The following FARP2 variants were observed in gnomAD, a reference collection of about 807,000 sequenced individuals.
FARP2 encodes FERM, ARHGEF and pleckstrin domain-containing protein 2.
Under a neutral mutation model 130.5 loss-of-function variants are expected in FARP2, and 111 were observed. That is an observed-to-expected ratio of 0.85 (90% CI 0.73 to 1.00). FARP2 has a LOEUF of 1.00. Ranked by LOEUF, FARP2 falls within the 50% of genes least tolerant of loss-of-function variation. The pLI is 0.00. For synonymous variants in FARP2, 504 were observed against 516.9 expected, an observed-to-expected ratio of 0.98 and a Z score of 0.34; for missense variants, 1,385 against 1,346.3, an observed-to-expected ratio of 1.03 and a Z score of -0.45.
intron 9 of FARP2, among the ~76,000 whole-genome samples, chr2:241,432,697 AT>A (rs1470835646): frequency 1.3e-5 from 2 of 152,248 alleles, no homozygotes; most frequent in Non-Finnish European, 1.5e-5. Flanking sequence ...AATGGAAAAA[AT>A]AAATGCCTGT....
chr2:241,362,650 G>A (rs1194624219), intron 1 of FARP2, among the ~76,000 whole-genome samples: 4 of 152,004 alleles, frequency 2.6e-5, no homozygotes, highest in East Asian at 1.9e-4. Context: ...TTTGAAAGAA[G>A]AGCAAATACA....
chr2:241,398,232 A>G (rs1345804800), intron 2 of FARP2, among the ~76,000 whole-genome samples: 9 of 152,110 alleles, frequency 5.9e-5, no homozygotes, highest in Non-Finnish European at 1.3e-4. Context: ...GTATACACTT[A>G]TGTATCCCCA....
chr2:241,490,650 A>G (rs2064867269), intron 22 of FARP2, among the ~76,000 whole-genome samples: 1 of 152,208 alleles, frequency 6.6e-6, no homozygotes, highest in African/African-American at 2.4e-5. Context: ...GAGGAGTCTC[A>G]GCTCTGACTC....
At chr2:241,463,147 T>C (rs2064070216) in intron 15 of FARP2, among the ~76,000 whole-genome samples, 188 bp from the exon 16 acceptor site, 1 of 152,248 alleles carries the variant, frequency 6.6e-6, no homozygotes, top group Non-Finnish European at 1.5e-5. Context: ...TGATGTAGGA[T>C]AGTTTCATTA....
rs377499533 is a variant in FARP2 at position 241,494,101 on chromosome 2, G to A, written c.3141G>A (p.Gly1047=). 1.4e-6 allele frequency: 2 copies of A among 1,475,472 alleles called. No homozygotes were observed. The highest frequency in any genetic ancestry group is 1.5e-5 in the African/African-American group (1 of 67,556). 91.4% of individuals were successfully genotyped at this position (1,475,472 alleles called of 1,614,324 possible). ...CCCAACCCTCCTCAGGGCTGGAGGG[G>A]ATGGTCAGGGGGAAGGAGGAATGAC... ...DGPQPSSGLE[G]MVRGKEE is the part of the protein sequence containing the mutation. The change falls in exon 27 of 27, where the codon GGG becomes GGA. Residue 1047 remains glycine (G), a synonymous_variant. Coordinates refer to ENST00000264042, the MANE Select transcript of FARP2 (RefSeq NM_014808.4). The surrounding 1 kb of genome is among the most constrained non-coding windows in gnomAD (Gnocchi z 4.9).
intron 1 of FARP2, among the ~76,000 whole-genome samples, chr2:241,359,775 G>A (rs1308462883): frequency 6.6e-6 from 1 of 152,192 alleles, no homozygotes; most frequent in Non-Finnish European, 1.5e-5. Flanking sequence ...TCACGATGGG[G>A]TTGAGGCCGC....
chr2:241,358,838 G>A (rs949123260), intron 1 of FARP2, among the ~76,000 whole-genome samples: 1 of 152,204 alleles, frequency 6.6e-6, no homozygotes, highest in Non-Finnish European at 1.5e-5. Flanking sequence ...ATATGATAAA[G>A]CCCAGTCTTT....
At chr2:241,381,255 G>A (rs1229276010) in intron 2 of FARP2, among the ~76,000 whole-genome samples, 1 of 151,986 alleles carries the variant, frequency 6.6e-6, no homozygotes, top group Non-Finnish European at 1.5e-5. Context: ...TTTGTCCTGG[G>A]GTGCCACTCC....
intron 11 of FARP2, among the ~76,000 whole-genome samples, chr2:241,435,481 T>C (rs2063202467): frequency 1.3e-5 from 2 of 152,022 alleles, no homozygotes; most frequent in African/African-American, 4.8e-5. Context: ...GGAGTTCAGT[T>C]TCAATGTTTT....
rs1173730850 is a variant in FARP2 at position 241,466,056 on chromosome 2, G to A, written c.1893+2076G>A. The A allele has an allele frequency of 4.1e-6, 5 of 1,206,382 alleles. No homozygotes were observed. The African/African-American group carries it at 4.6e-5, about 11-fold the overall frequency. 74.7% of individuals were successfully genotyped at this position (1,206,382 alleles called of 1,614,324 possible). Reference sequence around the variant, plus strand: ...TTATCATACTGTAGTCATCTTTAATGTTCATTAAAACAAAGGGATTTGATA... The same window carrying A: ...TTATCATACTGTAGTCATCTTTAATATTCATTAAAACAAAGGGATTTGATA... On this transcript the variant is annotated intron_variant, in intron 17 of 26. Transcript: ENST00000264042.
At chr2:241,460,123 G>A (rs1406648060) in intron 14 of FARP2, among the ~76,000 whole-genome samples, 2 of 152,154 alleles carry the variant, frequency 1.3e-5, no homozygotes, top group Admixed American at 1.3e-4. Flanking sequence ...CTCCCCCAGG[G>A]CCCAAGGCCA....
At chr2:241,408,811 A>G (rs773419090) in intron 5 of FARP2, among the ~76,000 whole-genome samples, 1 of 152,198 alleles carries the variant, frequency 6.6e-6, no homozygotes, top group Non-Finnish European at 1.5e-5. Flanking sequence ...AGGTTTCTGC[A>G]TATCATTTTA....
chr2:241,380,156 C>T (rs887808003), intron 2 of FARP2, among the ~76,000 whole-genome samples: 1 of 152,188 alleles, frequency 6.6e-6, no homozygotes, highest in Non-Finnish European at 1.5e-5. Flanking sequence ...CCAGTGAAGA[C>T]GCCATGACAG....
intron 22 of FARP2, 40 bp downstream of exon 22, chr2:241,490,084 T>TCC: frequency 6.9e-7 from 1 of 1,452,088 alleles, no homozygotes. Context: ...CAGCCCTGGA[T>TCC]GGAGGGGTGG....
chr2:241,438,365 G>A (rs551588755), intron 12 of FARP2, among the ~76,000 whole-genome samples: 2 of 152,130 alleles, frequency 1.3e-5, no homozygotes, highest in South Asian at 4.2e-4. Flanking sequence ...GACCAGCCTG[G>A]ACAACATAGT....
At position 241,441,430 on chromosome 2, in the gene FARP2, C is replaced by G; in HGVS notation, c.1285C>G (p.Leu429Val). 1.9e-6 allele frequency: 3 copies of G among 1,614,248 alleles called. No individual in the cohort carries two copies. The Admixed American group carries it at 5.0e-5, about 27-fold the overall frequency. ...AGAGTTTAAGGACAGCAGCAGCTCC[C>G]TCACAGATCCCCAGGTTTCCTACGT... ...LPEFKDSSSS[L>V]TDPQVSYVKS... The change falls in exon 13 of 27, where the codon CTC becomes GTC. Residue 429 changes from leucine to valine, a missense_variant. By Grantham distance (32) the Leu-to-Val change is conservative (BLOSUM62 1). Transcript: ENST00000264042.
intron 13 of FARP2, among the ~76,000 whole-genome samples, chr2:241,454,804 T>G (rs889925717): frequency 1.3e-5 from 2 of 152,250 alleles, no homozygotes; most frequent in African/African-American, 2.4e-5. Context: ...TCTATAGCAA[T>G]GAATGTTTCC....
chr2:241,457,653 TC>T (rs2063894635), intron 14 of FARP2, among the ~76,000 whole-genome samples: 2 of 109,586 alleles, frequency 1.8e-5, no homozygotes, highest in African/African-American at 7.3e-5. Flanking sequence ...CCGGAGAGGC[TC>T]TTGGGCGGGA....
intron 8 of FARP2, among the ~76,000 whole-genome samples, chr2:241,428,550 T>C (rs1457555353): frequency 1.3e-5 from 2 of 152,092 alleles, no homozygotes; most frequent in Non-Finnish European, 2.9e-5. Context: ...GGGCAATATT[T>C]TGGGAACTAG....
Sources: allele counts gnomAD v4.1 joint callset (sites outside exome capture counted in the v4.1 genomes callset), GRCh38; gene constraint gnomAD v4.1.1; non-coding constraint Gnocchi (gnomAD v3.1); transcripts MANE v1.5; gene names NCBI Gene and HGNC (gene_info 2026-07-23, HGNC 2026-07-21).